The following ALK variants were observed in gnomAD, a reference collection of about 807,000 sequenced individuals.
The protein encoded by ALK is ALK receptor tyrosine kinase.
In ALK, 74 loss-of-function variants were observed where a neutral mutation model predicts 163.1. That is an observed-to-expected ratio of 0.45 (90% CI 0.38 to 0.55). The LOEUF (loss-of-function observed/expected upper bound fraction) is 0.55, where lower values mean the gene tolerates loss of function less well. Among genes scored for constraint, ALK ranks in the 20% least tolerant of loss-of-function variants. ALK has a pLI of 0.00. For missense variants in ALK, 2,063 were observed against 2,105.3 expected, an observed-to-expected ratio of 0.98 and a Z score of 0.39; for synonymous variants, 960 against 843.2, an observed-to-expected ratio of 1.14 and a Z score of -2.40.
intron 3 of ALK, among the ~76,000 whole-genome samples, chr2:29,680,549 G>T (rs980000531): frequency 7.2e-5 from 11 of 151,902 alleles, no homozygotes; most frequent in Non-Finnish European, 1.6e-4. Context: ...AGATTTTTCT[G>T]TCCAGTCAAA....
chr2:29,227,385 C>T lies in ALK; in HGVS notation c.2914+189G>A, dbSNP rs1329167302. ...TGTTACATTTCCTAGGATTCTGCCTCTGCATTCATATTAAAGCACACATCC... is the reference window on the plus strand; with the variant it reads ...TGTTACATTTCCTAGGATTCTGCCTTTGCATTCATATTAAAGCACACATCC... On this transcript the variant is annotated intron_variant, in intron 17 of 28. Transcript: ENST00000389048. This position sits in a 1 kb window ranked among gnomAD's most constrained non-coding sequence, Gnocchi z 4.4. Among the ~76,000 whole-genome samples the T allele has an allele frequency of 1.3e-5, 2 of 152,144 alleles. No individual in the cohort carries two copies. Among genetic ancestry groups the T allele is most frequent in the Non-Finnish European group, 2.9e-5 (2 of 68,028 alleles).
chr2:29,306,387 A>T (rs898586379), intron 8 of ALK, among the ~76,000 whole-genome samples: 9 of 152,092 alleles, frequency 5.9e-5, no homozygotes, highest in Non-Finnish European at 1.3e-4. Context: ...GTAATATATT[A>T]TGGTACTCCT....
At chr2:29,202,879 C>A (rs193177282) in intron 26 of ALK, among the ~76,000 whole-genome samples, 1 of 152,126 alleles carries the variant, frequency 6.6e-6, no homozygotes, top group Non-Finnish European at 1.5e-5. Flanking sequence ...GAACATCCAG[C>A]GCCCAAGTCT....
chr2:29,282,516 A>G (rs1665742158), intron 9 of ALK, among the ~76,000 whole-genome samples: 1 of 152,118 alleles, frequency 6.6e-6, no homozygotes, highest in Non-Finnish European at 1.5e-5. Context: ...ACTGGAGATG[A>G]GCTGGACATT....
At chr2:29,630,862 T>A (rs994127847) in intron 3 of ALK, among the ~76,000 whole-genome samples, 1 of 152,212 alleles carries the variant, frequency 6.6e-6, no homozygotes, top group African/African-American at 2.4e-5. Context: ...AACTCCAGCA[T>A]CACATAAGCC....
intron 8 of ALK, among the ~76,000 whole-genome samples, chr2:29,309,066 A>G (rs923746456): frequency 6.6e-6 from 1 of 152,258 alleles, no homozygotes; most frequent in Non-Finnish European, 1.5e-5. Flanking sequence ...GATGGAGATG[A>G]CACTGAGGAG....
intron 4 of ALK, among the ~76,000 whole-genome samples, chr2:29,389,845 G>T (rs143078421): frequency 4.6e-5 from 7 of 152,224 alleles, no homozygotes; most frequent in Non-Finnish European, 1.0e-4. Context: ...ATAACTCTTG[G>T]CCTCCATTTG....
At chr2:29,870,845 C>A (rs1666559204) in intron 1 of ALK, among the ~76,000 whole-genome samples, 1 of 152,096 alleles carries the variant, frequency 6.6e-6, no homozygotes, top group South Asian at 2.1e-4. Context: ...GAAATCAGGG[C>A]AAAACTGATG....
intron 4 of ALK, among the ~76,000 whole-genome samples, chr2:29,521,863 G>C (rs1672822082): frequency 6.6e-6 from 1 of 152,228 alleles, no homozygotes; most frequent in South Asian, 2.1e-4. Flanking sequence ...TGGAGCTTCA[G>C]AAGACAGGAG....
chr2:29,600,222 A>T (rs1558403059), intron 3 of ALK, among the ~76,000 whole-genome samples: 1 of 152,202 alleles, frequency 6.6e-6, no homozygotes, highest in Non-Finnish European at 1.5e-5. Flanking sequence ...ATGAGCTCAT[A>T]AACCAAAAAT....
chr2:29,208,967 A>C (rs1669389222), intron 25 of ALK, among the ~76,000 whole-genome samples: 1 of 152,222 alleles, frequency 6.6e-6, no homozygotes, highest in Admixed American at 6.5e-5. Context: ...GGGAAAAAAA[A>C]AATAAGGCTG....
chr2:29,673,845 T>G (rs1368981078), intron 3 of ALK, among the ~76,000 whole-genome samples: 4 of 151,352 alleles, frequency 2.6e-5, no homozygotes, highest in African/African-American at 7.3e-5. Flanking sequence ...GTATCCTCTT[T>G]TATTTCCTTG....
At chr2:29,895,848 G>A (rs1002126189) in intron 1 of ALK, among the ~76,000 whole-genome samples, 2 of 152,152 alleles carry the variant, frequency 1.3e-5, no homozygotes, top group Admixed American at 6.5e-5. Flanking sequence ...TGAGATACTG[G>A]CTGTCCAGTA....
At chr2:29,588,384 C>T (rs1260683059) in intron 3 of ALK, among the ~76,000 whole-genome samples, 1 of 152,110 alleles carries the variant, frequency 6.6e-6, no homozygotes, top group Admixed American at 6.6e-5. Flanking sequence ...GCACCCACCA[C>T]CATGCCTGGC....
At chr2:29,829,907 G>A (rs1039632029) in intron 1 of ALK, among the ~76,000 whole-genome samples, 1 of 152,216 alleles carries the variant, frequency 6.6e-6, no homozygotes, top group Admixed American at 6.5e-5. Context: ...GCTGTTGGGA[G>A]CACAGAAGCT....
intron 1 of ALK, among the ~76,000 whole-genome samples, chr2:29,752,348 C>CTTTTTTT (rs34424748): frequency 4.1e-5 from 5 of 120,978 alleles, no homozygotes; most frequent in Admixed American, 8.1e-5. Flanking sequence ...ATTTTCTTTT[C>CTTTTTTT]TTTTTTTTTT....
chr2:29,408,746 A>G (rs1310400257), intron 4 of ALK, among the ~76,000 whole-genome samples: 3 of 152,138 alleles, frequency 2.0e-5, no homozygotes, highest in Non-Finnish European at 4.4e-5. Context: ...TGGGCAGATG[A>G]GAATTTTTAG....
At chr2:29,713,104 G>A (rs58281652) in intron 2 of ALK, among the ~76,000 whole-genome samples, 2,353 of 152,248 alleles carry the variant, frequency 0.015, 63 homozygotes, top group African/African-American at 0.054. Flanking sequence ...AATGCTGCCC[G>A]CAATCCTTGG....
intron 4 of ALK, among the ~76,000 whole-genome samples, chr2:29,411,699 C>A (rs545599185): frequency 4.7e-4 from 72 of 152,198 alleles, no homozygotes; most frequent in Admixed American, 3.3e-4. Flanking sequence ...TTCCTTTTCT[C>A]TTGCCTCTTC....
Sources: gnomAD v4.1 joint callset for allele counts (sites outside exome capture counted in the v4.1 genomes callset) on GRCh38, gnomAD v4.1.1 for gene constraint, Gnocchi (gnomAD v3.1) non-coding constraint, MANE v1.5 for transcripts, NCBI Gene and HGNC (gene_info 2026-07-23, HGNC 2026-07-21) for gene names.